The following SSBP2 variants were observed in gnomAD, a reference collection of about 807,000 sequenced individuals.
The protein encoded by SSBP2 is single stranded DNA binding protein 2.
A neutral mutation model predicts 61.8 loss-of-function variants in SSBP2; 17 were observed. That is an observed-to-expected ratio of 0.28 (90% confidence interval 0.19 to 0.41). The LOEUF (loss-of-function observed/expected upper bound fraction) is 0.41. Ranked by LOEUF, SSBP2 falls within the 10% of genes least tolerant of loss-of-function variation. The probability of loss-of-function intolerance (pLI) is 1.00; values close to 1 mark genes in which losing one functional copy is unlikely to be tolerated. For missense variants in SSBP2, 310 were observed against 458.7 expected, an observed-to-expected ratio of 0.68 and a Z score of 2.96; for synonymous variants, 139 against 141.3, an observed-to-expected ratio of 0.98 and a Z score of 0.12.
At chr5:81,670,685 A>G (rs1751520884) in intron 1 of SSBP2, among the ~76,000 whole-genome samples, 1 of 151,992 alleles carries the variant, frequency 6.6e-6, no homozygotes, top group Admixed American at 6.6e-5. Flanking sequence ...CTTTACCACT[A>G]TTTTTTCCTT....
intron 1 of SSBP2, among the ~76,000 whole-genome samples, chr5:81,669,619 A>G (rs909925706): frequency 6.6e-6 from 1 of 152,086 alleles, no homozygotes; most frequent in African/African-American, 2.4e-5. Flanking sequence ...ACATGGACAC[A>G]TGATGGGGAA....
At chr5:81,451,950 G>A (rs1193931346) in intron 10 of SSBP2, among the ~76,000 whole-genome samples, 2 of 152,188 alleles carry the variant, frequency 1.3e-5, no homozygotes, top group Non-Finnish European at 2.9e-5. Context: ...CCTAGGACCA[G>A]TAGTGTGAAG....
intron 10 of SSBP2, among the ~76,000 whole-genome samples, chr5:81,459,236 A>C (rs936079224): frequency 1.3e-5 from 2 of 152,156 alleles, no homozygotes; most frequent in Non-Finnish European, 2.9e-5. Context: ...TGGAGTACCT[A>C]AAAAACTAAA....
chr5:81,664,532 T>C (rs545278939), intron 1 of SSBP2, among the ~76,000 whole-genome samples: 7 of 152,328 alleles, frequency 4.6e-5, no homozygotes, highest in African/African-American at 1.7e-4. Context: ...TAGGCATTTG[T>C]AGAATCCTTT....
chr5:81,579,234 T>C (rs966842687), intron 4 of SSBP2, among the ~76,000 whole-genome samples: 11 of 151,646 alleles, frequency 7.3e-5, no homozygotes, highest in African/African-American at 2.4e-4. Context: ...AAGTTTCTTA[T>C]TGTTTTTTTT....
intron 4 of SSBP2, among the ~76,000 whole-genome samples, chr5:81,568,354 TTTGC>T (rs1392114568): frequency 2.0e-5 from 3 of 152,308 alleles, no homozygotes; most frequent in Admixed American, 6.5e-5. Flanking sequence ...TCATTCTCTC[TTTGC>T]CTGCTGCCAT....
At chr5:81,435,673 A>G (rs937679141) in intron 15 of SSBP2, among the ~76,000 whole-genome samples, 1 of 152,258 alleles carries the variant, frequency 6.6e-6, no homozygotes, top group Non-Finnish European at 1.5e-5. Context: ...TTTATAAATT[A>G]TAAAGTACTT....
chr5:81,731,113 A>T (rs896324133), intron 1 of SSBP2, among the ~76,000 whole-genome samples: 1 of 152,196 alleles, frequency 6.6e-6, no homozygotes, highest in Admixed American at 6.5e-5. Context: ...AAATACTGAA[A>T]TGCGTGCCCT....
rs1197453301 is a variant in SSBP2 at position 81,416,175 on chromosome 5, C to G, written c.*4329G>C. On this transcript the variant is annotated 3_prime_UTR_variant, in exon 17 of 17. Coordinates refer to ENST00000320672, the MANE Select transcript of SSBP2 (RefSeq NM_012446.5). ...AGACGGCAGTGAGCCAAGATTGTGC[C>G]ACTGCACTCCAGCCTGGGTGACAGA... is the stretch of plus-strand genomic sequence containing the variant. 6.7e-6 allele frequency: 1 copy of G among 149,762 alleles called. No individual in the cohort carries two copies. Among genetic ancestry groups the G allele is most frequent in the Admixed American group, 6.7e-5 (1 of 14,974 alleles). The allele number at this position is 149,762 out of a possible 1,614,324, so 9.3% of individuals were successfully genotyped here.
At chr5:81,615,214 C>G (rs1009104952) in intron 4 of SSBP2, 24 of 275,304 alleles carry the variant, frequency 8.7e-5, no homozygotes, top group Non-Finnish European at 1.6e-4. Context: ...TGAAATTTCA[C>G]AAATCAGACA....
At chr5:81,584,254 A>T (rs1774899751) in intron 4 of SSBP2, among the ~76,000 whole-genome samples, 1 of 152,170 alleles carries the variant, frequency 6.6e-6, no homozygotes, top group Non-Finnish European at 1.5e-5. Flanking sequence ...ATTATACTTT[A>T]ACTGAATTTT....
At chr5:81,750,121 G>C (rs952747237) in intron 1 of SSBP2, among the ~76,000 whole-genome samples, 93 of 151,800 alleles carry the variant, frequency 6.1e-4, no homozygotes, top group African/African-American at 2.2e-3. Context: ...TCCGCTGCGA[G>C]AGGCAGAAAC....
rs1046788975 is a variant in SSBP2 at position 81,514,148 on chromosome 5, A to G, written c.283-431T>C. On this transcript the variant is annotated intron_variant, in intron 4 of 16. Coordinates refer to ENST00000320672, the MANE Select transcript of SSBP2 (RefSeq NM_012446.5). ...CAAAAATAATTCTCCCTTTTTTTTT[A>G]AGATTATGCTTTTATGTCATAAACA... Among the ~76,000 whole-genome samples, 5 of 151,900 alleles carry G rather than the reference A, an allele frequency of 3.3e-5. No individual in the cohort carries two copies. The East Asian group carries it at 9.7e-4, about 29-fold the overall frequency.
intron 5 of SSBP2, among the ~76,000 whole-genome samples, chr5:81,510,323 T>G (rs1768497831): frequency 6.6e-6 from 1 of 152,200 alleles, no homozygotes; most frequent in Non-Finnish European, 1.5e-5. Flanking sequence ...TACCTACATC[T>G]GCCCAGATTA....
At chr5:81,532,749 T>C (rs1259398392) in intron 4 of SSBP2, among the ~76,000 whole-genome samples, 1 of 151,666 alleles carries the variant, frequency 6.6e-6, no homozygotes, top group Non-Finnish European at 1.5e-5. Context: ...CTTGTATAAA[T>C]ACCAGATAAA....
intron 6 of SSBP2, among the ~76,000 whole-genome samples, chr5:81,485,545 A>G (rs1580804874): frequency 6.6e-6 from 1 of 152,352 alleles, no homozygotes; most frequent in Non-Finnish European, 1.5e-5. Flanking sequence ...ATTAGTCAAC[A>G]CTACTGAAGA....
intron 1 of SSBP2, among the ~76,000 whole-genome samples, chr5:81,680,189 A>T (rs1168026706): frequency 2.0e-5 from 3 of 151,708 alleles, no homozygotes; most frequent in African/African-American, 7.3e-5. Context: ...CTACATCACC[A>T]GCTTTCCTGG....
Position 81,635,533 on chromosome 5 carries a change from A to T in SSBP2, c.197+1024T>A, listed in dbSNP as rs146098525. 4.3e-3 allele frequency among the ~76,000 whole-genome samples: 647 copies of T among 152,078 alleles called. 7 individuals are homozygous for T. Among genetic ancestry groups the T allele is most frequent in the African/African-American group, 0.014 (590 of 41,456 alleles). ...CATGCCAACGCTTATAATTACCTAT[A>T]CAGAAGTCTAACATTGACAACTTGA... On this transcript the variant is annotated intron_variant, in intron 3 of 16. Coordinates refer to ENST00000320672, the MANE Select transcript of SSBP2 (RefSeq NM_012446.5).
intron 1 of SSBP2, among the ~76,000 whole-genome samples, chr5:81,732,164 T>G (rs1302787237): frequency 6.6e-6 from 1 of 152,218 alleles, no homozygotes; most frequent in Non-Finnish European, 1.5e-5. Flanking sequence ...ATGCAAAAAT[T>G]AAGAGCATAT....
Sources: gnomAD v4.1 joint callset for allele counts (sites outside exome capture counted in the v4.1 genomes callset) on GRCh38, gnomAD v4.1.1 for gene constraint, MANE v1.5 for transcripts, NCBI Gene and HGNC (gene_info 2026-07-23, HGNC 2026-07-21) for gene names.